CD38: variants seen among roughly 807,000 people sequenced by gnomAD.
The protein encoded by CD38 is ADP-ribosyl cyclase/cyclic ADP-ribose hydrolase 1.
CD38 carries 31 observed loss-of-function variants against 36.3 expected under a neutral mutation model. That is an observed-to-expected ratio of 0.85 (90% CI 0.64 to 1.15). The LOEUF (loss-of-function observed/expected upper bound fraction) is 1.15, where lower values mean the gene tolerates loss of function less well. Among genes scored for constraint, CD38 ranks in the 50% most tolerant of loss-of-function variants. The pLI, the probability that CD38 is intolerant of heterozygous loss-of-function variation, is 0.00. For missense variants in CD38, 380 were observed against 371.9 expected (o/e 1.02, Z -0.18); for synonymous variants, 131 against 135.2 (o/e 0.97, Z 0.22).
At chr4:15,787,579 C>T (rs1032986840) in intron 1 of CD38, among the ~76,000 whole-genome samples, 32 of 152,214 alleles carry the variant, frequency 2.1e-4, no homozygotes, top group African/African-American at 7.2e-4. Context: ...GGAGTCACGA[C>T]GCCTTGTCTT....
chr4:15,804,978 C>T (rs1482570649), intron 1 of CD38, among the ~76,000 whole-genome samples: 1 of 152,166 alleles, frequency 6.6e-6, no homozygotes, highest in African/African-American at 2.4e-5. Flanking sequence ...GCCAATTACA[C>T]AGATTCGATC....
chr4:15,840,183 C>G, intron 6 of CD38, 65 bp downstream of exon 6: 1 of 1,107,770 alleles, frequency 9.0e-7, no homozygotes, highest in Non-Finnish European at 1.4e-6. Flanking sequence ...AATCCACAGT[C>G]ACAAGCACGC....
chr4:15,802,516 ATTTTATT>A (rs1212458739), intron 1 of CD38, among the ~76,000 whole-genome samples: 1 of 137,952 alleles, frequency 7.2e-6, no homozygotes, highest in Non-Finnish European at 1.5e-5. Context: ...ATTTTATTTT[ATTTTATT>A]TTATTTTATT....
chr4:15,833,097 T>C (rs1422904399), intron 3 of CD38, among the ~76,000 whole-genome samples: 1 of 152,132 alleles, frequency 6.6e-6, no homozygotes, highest in African/African-American at 2.4e-5. Flanking sequence ...TAATGCTGCC[T>C]GGCCTGGGAC....
chr4:15,834,902 T>A (rs116454989), intron 4 of CD38, among the ~76,000 whole-genome samples: 409 of 152,160 alleles, frequency 2.7e-3, no homozygotes, highest in African/African-American at 8.6e-3. Context: ...CTATTTTTTT[T>A]AAAAAAATTG....
chr4:15,837,793 G>A (rs1008080122), intron 4 of CD38, among the ~76,000 whole-genome samples: 23 of 152,072 alleles, frequency 1.5e-4, no homozygotes, highest in African/African-American at 5.6e-4. Context: ...TCCCCCTCTA[G>A]ACATTCCTCT....
chr4:15,803,450 A>T (rs1577642956), intron 1 of CD38, among the ~76,000 whole-genome samples: 1 of 152,198 alleles, frequency 6.6e-6, no homozygotes, highest in Non-Finnish European at 1.5e-5. Flanking sequence ...TCTGATTTTT[A>T]AAATCGGCAA....
intron 3 of CD38, among the ~76,000 whole-genome samples, chr4:15,827,253 A>T (rs527249395): frequency 6.6e-6 from 1 of 152,268 alleles, no homozygotes; most frequent in East Asian, 1.9e-4. Flanking sequence ...TTTTCTGCCC[A>T]CTTTCTGGCT....
chr4:15,783,406 C>A (rs543552983), intron 1 of CD38, among the ~76,000 whole-genome samples: 2 of 152,210 alleles, frequency 1.3e-5, no homozygotes, highest in African/African-American at 4.8e-5. Context: ...ATTGCAGGTA[C>A]TGACGATAGC....
At chr4:15,835,755 A>C (rs1033569137) in intron 4 of CD38, among the ~76,000 whole-genome samples, 4 of 151,958 alleles carry the variant, frequency 2.6e-5, no homozygotes, top group African/African-American at 9.7e-5. Context: ...CAGGTGATCT[A>C]CCCACCTTGG....
At chr4:15,808,496 T>C (rs2148920262) in intron 1 of CD38, among the ~76,000 whole-genome samples, 1 of 152,364 alleles carries the variant, frequency 6.6e-6, no homozygotes, top group Non-Finnish European at 1.5e-5. Flanking sequence ...ATCAAATTTT[T>C]GTTATGACCC....
intron 2 of CD38, among the ~76,000 whole-genome samples, chr4:15,819,180 C>G (rs1723678581): frequency 1.3e-5 from 2 of 152,086 alleles, no homozygotes; most frequent in Admixed American, 1.3e-4. Context: ...ACACCAGGGC[C>G]TGTCAGGGGT....
chr4:15,824,002 G>A (rs979138190), intron 2 of CD38, among the ~76,000 whole-genome samples: 40 of 152,170 alleles, frequency 2.6e-4, no homozygotes, highest in Non-Finnish European at 3.4e-4. Flanking sequence ...GTCCTTTGTA[G>A]GGACATAGAT....
intron 1 of CD38, among the ~76,000 whole-genome samples, chr4:15,814,211 T>G (rs1723533654): frequency 6.6e-6 from 1 of 152,250 alleles, no homozygotes; most frequent in African/African-American, 2.4e-5. Context: ...ATGATAAGCT[T>G]TTTTTCATAT....
Position 15,852,674 on chromosome 4 carries a change from G to A in CD38, c.*4072G>A, listed in dbSNP as rs1360889054. On this transcript the variant is annotated 3_prime_UTR_variant, in exon 8 of 8. Transcript: ENST00000226279. ...CTATGAAGAGTCATCATTTTAGTAT[G>A]TATTTTAAGCAATCCACCAAGAACT... is the stretch of plus-strand genomic sequence containing the variant. The A allele has an allele frequency of 1.3e-5, 2 of 152,102 alleles. No individual in the cohort carries two copies. The highest frequency in any genetic ancestry group is 4.8e-5 in the African/African-American group (2 of 41,422). 9.4% of individuals were successfully genotyped at this position (152,102 alleles called of 1,614,324 possible). A position where few individuals can be genotyped will look rare whatever the true frequency, so the allele number is the denominator to read the frequency against.
chr4:15,821,643 C>A, intron 2 of CD38, among the ~76,000 whole-genome samples: 1 of 147,838 alleles, frequency 6.8e-6, no homozygotes, highest in African/African-American at 2.5e-5. Context: ...AGTTGAGTTC[C>A]TGAACAGACC....
At chr4:15,823,679 T>C (rs933490880) in intron 2 of CD38, among the ~76,000 whole-genome samples, 5 of 152,116 alleles carry the variant, frequency 3.3e-5, no homozygotes, top group African/African-American at 1.2e-4. Context: ...GCTGGTGAGA[T>C]TGTGGAGAGA....
intron 1 of CD38, among the ~76,000 whole-genome samples, chr4:15,801,923 A>G (rs758868791): frequency 6.6e-5 from 10 of 152,200 alleles, no homozygotes; most frequent in Admixed American, 2.6e-4. Context: ...CTGATTCCAC[A>G]TAGTACTGGA....
In CD38 at chr4:15,809,043, A is replaced by C. The variant is rs561118129; in HGVS notation, c.234-7468A>C. Among the ~76,000 whole-genome samples the C allele has an allele frequency of 5.5e-4, 84 of 152,258 alleles. 1 individual carries two copies. The highest frequency in any genetic ancestry group is 2.0e-3 in the African/African-American group (83 of 41,536). On this transcript the variant is annotated intron_variant, in intron 1 of 7. Transcript: ENST00000226279. ...GTTGGGCAAGTTACTTGGTCTTCTG[A>C]GTTTATAGGTAAACTGGAGATAATA...
Sources: gnomAD v4.1 joint callset for allele counts (sites outside exome capture counted in the v4.1 genomes callset) on GRCh38, gnomAD v4.1.1 for gene constraint, MANE v1.5 for transcripts, NCBI Gene and HGNC (gene_info 2026-07-23, HGNC 2026-07-21) for gene names.